The following WNK1 variants were observed in gnomAD, a reference collection of about 807,000 sequenced individuals.
WNK1 encodes the protein WNK lysine deficient protein kinase 1, also known as serine/threonine-protein kinase WNK1.
Under a neutral mutation model 222.8 loss-of-function variants are expected in WNK1, and 38 were observed. The ratio of observed to expected loss-of-function variants is 0.17; its 90% CI spans 0.13 to 0.22. The LOEUF (loss-of-function observed/expected upper bound fraction) is 0.22, where lower values mean the gene tolerates loss of function less well. Among genes scored for constraint, WNK1 ranks in the 10% least tolerant of loss-of-function variants. The probability of loss-of-function intolerance (pLI) is 1.00; values close to 1 mark genes in which losing one functional copy is unlikely to be tolerated. For synonymous variants in WNK1, 1,090 were observed against 1,092.9 expected (o/e 1.00, Z 0.05); for missense variants, 2,348 against 2,918.4 (o/e 0.80, Z 4.50).
In WNK1 at chr12:753,102, T is replaced by C; in HGVS notation, c.-464T>C. 6.6e-6 allele frequency: 1 copy of C among 152,604 alleles called. No homozygotes were observed. The highest frequency in any genetic ancestry group is 1.5e-5 in the Non-Finnish European group (1 of 68,592). The allele number at this position is 152,604 out of a possible 1,614,324, so 9.5% of individuals were successfully genotyped here. A position where few individuals can be genotyped will look rare whatever the true frequency, so the allele number is the denominator to read the frequency against. On this transcript the variant is annotated 5_prime_UTR_variant, in exon 1 of 28. Coordinates refer to ENST00000315939, the MANE Select transcript of WNK1 (RefSeq NM_018979.4). The surrounding 1 kb of genome is among the most constrained non-coding windows in gnomAD (Gnocchi z 5.2). The stretch of plus-strand genomic sequence containing the variant: ...GCCACCGCCCGGGCGTCGGACCTGG[T>C]CCCGTGCTCGCGGTGCCGCCGCCCT...
chr12:798,722 T>C (rs1234593295), intron 1 of WNK1, among the ~76,000 whole-genome samples: 1 of 152,202 alleles, frequency 6.6e-6, no homozygotes, highest in Non-Finnish European at 1.5e-5. Context: ...TATGCATGTA[T>C]AATAAACTTT....
intron 11 of WNK1, 40 bp from the exon 12 acceptor site, chr12:880,681 C>A (rs772202847): frequency 6.2e-7 from 1 of 1,611,748 alleles, no homozygotes; most frequent in Non-Finnish European, 8.5e-7. Flanking sequence ...TTTATTGACC[C>A]CCAACCTGCT....
intron 4 of WNK1, among the ~76,000 whole-genome samples, chr12:841,255 T>C (rs1033370970): frequency 6.6e-6 from 1 of 152,180 alleles, no homozygotes; most frequent in Admixed American, 6.6e-5. Flanking sequence ...TTAGCAGTCA[T>C]TTCCCATTCT....
At chr12:865,174 C>T (rs72649833) in intron 8 of WNK1, 3 of 1,508,114 alleles carry the variant, frequency 2.0e-6, no homozygotes, top group South Asian at 1.2e-5. Flanking sequence ...CTGTGTCCCG[C>T]ATCTCTCCCA....
chr12:843,502 CA>C (rs1949785087), intron 4 of WNK1, among the ~76,000 whole-genome samples: 1 of 152,134 alleles, frequency 6.6e-6, no homozygotes, highest in Non-Finnish European at 1.5e-5. Context: ...CACATTTTTG[CA>C]AATCTAATGT....
chr12:881,321 C>T (rs917257334), intron 12 of WNK1: 19 of 441,982 alleles, frequency 4.3e-5, no homozygotes, highest in Non-Finnish European at 6.7e-5. Flanking sequence ...ATCTTACCCT[C>T]CTGTGCTCTC....
chr12:881,895 T>C lies in WNK1; in HGVS notation c.3210-16T>C. On this transcript the variant is annotated splice_polypyrimidine_tract_variant and intron_variant, in intron 13 of 27. Coordinates refer to ENST00000315939, the MANE Select transcript of WNK1 (RefSeq NM_018979.4). ...ATATTATAAACTGCACTTTTTTTTCTTTTTAAATTTCAAAGTGCACATTCA... is the reference window on the plus strand; with the variant it reads ...ATATTATAAACTGCACTTTTTTTTCCTTTTAAATTTCAAAGTGCACATTCA... The C allele has an allele frequency of 6.2e-7, 1 of 1,614,130 alleles. No individual in the cohort carries two copies. The highest frequency in any genetic ancestry group is 2.2e-5 in the East Asian group (1 of 44,878).
At chr12:775,829 A>T (rs951510489) in intron 1 of WNK1, among the ~76,000 whole-genome samples, 1 of 152,186 alleles carries the variant, frequency 6.6e-6, no homozygotes, top group Non-Finnish European at 1.5e-5. Flanking sequence ...CACCTGAATG[A>T]GGTATCAGTC....
chr12:895,651 G>T (rs1365178818), intron 23 of WNK1, among the ~76,000 whole-genome samples: 1 of 151,968 alleles, frequency 6.6e-6, no homozygotes, highest in Non-Finnish European at 1.5e-5. Context: ...TAGAGACAGG[G>T]TTTCACCACG....
chr12:813,498 C>T (rs1488172529), intron 1 of WNK1, 144 bp from the exon 2 acceptor site: 2 of 821,610 alleles, frequency 2.4e-6, no homozygotes, highest in Non-Finnish European at 3.8e-6. Flanking sequence ...GTATATAATC[C>T]AAATCTATCA....
At chr12:874,911 A>G (rs1232688807) in intron 9 of WNK1, among the ~76,000 whole-genome samples, 1 of 152,128 alleles carries the variant, frequency 6.6e-6, no homozygotes, top group African/African-American at 2.4e-5. Flanking sequence ...AGAAATTAAC[A>G]TCTCTCCCAA....
chr12:844,643 A>T (rs1474723345), intron 4 of WNK1, among the ~76,000 whole-genome samples: 2 of 152,052 alleles, frequency 1.3e-5, no homozygotes, highest in African/African-American at 2.4e-5. Context: ...TGCACTGTCC[A>T]TTACCATACT....
chr12:833,535 G>C (rs540152419), intron 4 of WNK1, among the ~76,000 whole-genome samples: 1 of 152,150 alleles, frequency 6.6e-6, no homozygotes, highest in East Asian at 1.9e-4. Context: ...AAGCTTTTCT[G>C]CTATCCAGTC....
chr12:852,038 TTAC>T (rs1950457474), intron 4 of WNK1, among the ~76,000 whole-genome samples: 2 of 152,224 alleles, frequency 1.3e-5, no homozygotes, highest in Non-Finnish European at 2.9e-5. Context: ...AATGTTAATG[TTAC>T]CCTACGACAT....
In WNK1 at chr12:879,958, A is replaced by C; in HGVS notation, c.2759A>C (p.Gln920Pro). The C allele has an allele frequency of 6.2e-7, 1 of 1,614,192 alleles. No individual in the cohort carries two copies. Among genetic ancestry groups the C allele is most frequent in the Non-Finnish European group, 8.5e-7 (1 of 1,180,024 alleles). Residue 920 changes from glutamine to proline, a missense_variant, in exon 11 of 28, where the codon CAG (glutamine) becomes CCG (proline). Physicochemically the swap from Gln to Pro is moderately conservative, Grantham distance 76 (BLOSUM62 -1). Coordinates refer to ENST00000315939, the MANE Select transcript of WNK1 (RefSeq NM_018979.4). ...VHPQLLQPAV[Q>P]SMGIPANLGQ... ...CCACAGCTCCTACAACCAGCAGTTC[A>C]GTCCATGGGAATACCAGCTAACCTT...
At chr12:862,898 C>G (rs1398368565) in intron 8 of WNK1, among the ~76,000 whole-genome samples, 1 of 152,132 alleles carries the variant, frequency 6.6e-6, no homozygotes, top group Non-Finnish European at 1.5e-5. Flanking sequence ...TTTTCAGAAT[C>G]AACTTATAGA....
chr12:862,070 A>AT lies in WNK1; in HGVS notation c.1952-8dup. Reference sequence around the variant, plus strand: ...CTCTCTCTCTTTTTTTTGGCGATTCATTTTTCCTTCAGCTGATGGGACGGT... The same window carrying AT: ...CTCTCTCTCTTTTTTTTGGCGATTCATTTTTTCCTTCAGCTGATGGGACGGT... On this transcript the variant is annotated splice_polypyrimidine_tract_variant and intron_variant, in intron 7 of 27. Coordinates refer to ENST00000315939, the MANE Select transcript of WNK1 (RefSeq NM_018979.4). 1 of 1,613,390 alleles carries AT rather than the reference A, an allele frequency of 6.2e-7. No individual in the cohort carries two copies. Among genetic ancestry groups the AT allele is most frequent in the Non-Finnish European group, 8.5e-7 (1 of 1,179,804 alleles).
At chr12:772,130 A>G (rs988072756) in intron 1 of WNK1, among the ~76,000 whole-genome samples, 1 of 152,226 alleles carries the variant, frequency 6.6e-6, no homozygotes. Context: ...AAAATTAGTA[A>G]AACACTCTCG....
chr12:830,129 A>G lies in WNK1; in HGVS notation c.1280A>G (p.Asn427Ser), dbSNP rs1565489054. 1 of 1,614,174 alleles carries G rather than the reference A, an allele frequency of 6.2e-7. No individual in the cohort carries two copies. Among genetic ancestry groups the G allele is most frequent in the Non-Finnish European group, 8.5e-7 (1 of 1,180,026 alleles). Residue 427 changes from asparagine (N) to serine (S), a missense_variant, in exon 4 of 28, where the codon AAT (asparagine) becomes AGT (serine). Asn to Ser is a conservative substitution (Grantham distance 46). Coordinates refer to ENST00000315939, the MANE Select transcript of WNK1 (RefSeq NM_018979.4). Reference sequence around the variant, plus strand: ...GAATATCCTTACTCGGAGTGCCAAAATGCTGCACAGATCTACCGTCGCGTG... The same window carrying G: ...GAATATCCTTACTCGGAGTGCCAAAGTGCTGCACAGATCTACCGTCGCGTG... The part of the protein sequence containing the change: ...TSEYPYSECQ[N>S]AAQIYRRVTS...
Sources: gnomAD v4.1 joint callset for allele counts (sites outside exome capture counted in the v4.1 genomes callset) on GRCh38, gnomAD v4.1.1 for gene constraint, Gnocchi (gnomAD v3.1) non-coding constraint, MANE v1.5 for transcripts, NCBI Gene and HGNC (gene_info 2026-07-23, HGNC 2026-07-21) for gene names.